The following GPAT3 variants were observed in gnomAD, a reference collection of about 807,000 sequenced individuals.
GPAT3 encodes glycerol-3-phosphate acyltransferase 3, also known as 1-AGP acyltransferase 9.
Under a neutral mutation model 58.8 loss-of-function variants are expected in GPAT3, and 53 were observed. That is an observed-to-expected ratio of 0.90 (90% CI 0.72 to 1.13). GPAT3 has a LOEUF of 1.13. Ranked by LOEUF, GPAT3 falls within the 50% of genes most tolerant of loss-of-function variation. The probability of loss-of-function intolerance (pLI) is 0.00; values close to 1 mark genes in which losing one functional copy is unlikely to be tolerated. For synonymous variants in GPAT3, 197 were observed against 187.4 expected, an observed-to-expected ratio of 1.05 and a Z score of -0.42; for missense variants, 511 against 527.6, an observed-to-expected ratio of 0.97 and a Z score of 0.31.
rs200679000 is a variant in GPAT3 at position 83,544,634 on chromosome 4, A to G, written c.208+32A>G. 201 of 1,605,444 alleles carry G rather than the reference A, an allele frequency of 1.3e-4. 2 individuals are homozygous for G. The Admixed American group carries it at 1.7e-3, about 13-fold the overall frequency. On this transcript the variant is annotated intron_variant, in intron 2 of 11. Coordinates refer to ENST00000264409, the MANE Select transcript of GPAT3 (RefSeq NM_032717.5). ...TTTCCTTTTCATTATGATTGTTACC[A>G]TATTTAAATTGGGTGGATGTAAACC...
At chr4:83,550,990 A>C (rs539438733) in intron 2 of GPAT3, among the ~76,000 whole-genome samples, 4 of 152,356 alleles carry the variant, frequency 2.6e-5, no homozygotes, top group Admixed American at 2.6e-4. Flanking sequence ...CAATATTATA[A>C]AAATTTAGTT....
intron 6 of GPAT3, among the ~76,000 whole-genome samples, chr4:83,590,749 G>A (rs919230638): frequency 6.6e-6 from 1 of 152,040 alleles, no homozygotes; most frequent in Non-Finnish European, 1.5e-5. Context: ...TTTATATCAG[G>A]TTGTCTTTCT....
chr4:83,594,730 C>A, intron 6 of GPAT3, 115 bp from the exon 7 acceptor site: 1 of 793,516 alleles, frequency 1.3e-6, no homozygotes, highest in Non-Finnish European at 2.1e-6. Context: ...GAACTTCAGT[C>A]AGTAGAAGGC....
At chr4:83,587,515 C>T (rs1051621579) in intron 4 of GPAT3, among the ~76,000 whole-genome samples, 186 bp downstream of exon 4, 2 of 152,184 alleles carry the variant, frequency 1.3e-5, no homozygotes, top group Non-Finnish European at 2.9e-5. Flanking sequence ...CAACCTCCGC[C>T]TCCTGGGTTC....
intron 1 of GPAT3, among the ~76,000 whole-genome samples, chr4:83,537,767 C>T (rs1018863153): frequency 1.3e-5 from 2 of 151,920 alleles, no homozygotes; most frequent in African/African-American, 2.4e-5. Flanking sequence ...AAACAGGCAT[C>T]TCAACTGAGA....
intron 2 of GPAT3, among the ~76,000 whole-genome samples, chr4:83,556,908 C>T (rs192102979): frequency 3.7e-4 from 56 of 152,240 alleles, no homozygotes; most frequent in African/African-American, 1.3e-3. Flanking sequence ...TTCACAGTTC[C>T]GGAGGCTGGA....
intron 5 of GPAT3, 96 bp downstream of exon 5, chr4:83,588,395 A>G: frequency 2.6e-6 from 3 of 1,149,202 alleles, no homozygotes; most frequent in South Asian, 2.6e-5. Context: ...AAGTGGGTGG[A>G]GTCAGAGTGC....
rs192284306 is a variant in GPAT3, at chr4:83,590,157, T to C, written c.645-42T>C. ...AAGATGAGTATTTACATGCTGTGGC[T>C]ATTTTAGAAGACTTCGAATTTTCCA... On this transcript the variant is annotated intron_variant, in intron 5 of 11. Transcript: ENST00000264409. 4.2e-4 allele frequency: 648 copies of C among 1,556,870 alleles called. 8 individuals carry two copies. The Admixed American group carries it at 0.011, about 26-fold the overall frequency.
intron 10 of GPAT3, 197 bp from the exon 11 acceptor site, chr4:83,598,447 C>G: frequency 2.8e-6 from 2 of 705,928 alleles, no homozygotes; most frequent in South Asian, 3.8e-5. Context: ...AATATATGCA[C>G]ATGGTAAAAA....
chr4:83,544,878 T>C (rs1382554472), intron 2 of GPAT3, among the ~76,000 whole-genome samples: 1 of 151,578 alleles, frequency 6.6e-6, no homozygotes, highest in Non-Finnish European at 1.5e-5. Context: ...TTTAAAGATG[T>C]AGTCGATGGC....
chr4:83,594,515 TA>T (rs2110107332), intron 6 of GPAT3, among the ~76,000 whole-genome samples: 1 of 152,358 alleles, frequency 6.6e-6, no homozygotes, highest in South Asian at 2.1e-4. Context: ...GTCAAGCTTT[TA>T]AATCTTTGTC....
chr4:83,591,821 A>G (rs573317106), intron 6 of GPAT3, among the ~76,000 whole-genome samples: 1 of 152,286 alleles, frequency 6.6e-6, no homozygotes, highest in Non-Finnish European at 1.5e-5. Context: ...TGCTGCTACA[A>G]CAGAATACCA....
rs144424899 is a variant in GPAT3 at position 83,544,241 on chromosome 4, C to A, written c.142-295C>A. On this transcript the variant is annotated intron_variant, in intron 1 of 11. Coordinates refer to ENST00000264409, the MANE Select transcript of GPAT3 (RefSeq NM_032717.5). ...ATGCCGTGACCTGTACTCATGCCCC[C>A]CATGCTTCACAGCCTTTTCAAGGAG... Among the ~76,000 whole-genome samples the A allele has an allele frequency of 1.8e-3, 278 of 152,296 alleles. 1 individual carries two copies. The highest frequency in any genetic ancestry group is 6.8e-3 in the Middle Eastern group (2 of 294).
In GPAT3 at chr4:83,536,273, C is replaced by T. The variant is rs1053412715; in HGVS notation, c.-350C>T. ...AATCAGGCACCGGGCGGGGCGGGTT[C>T]CTGGCTGCGCTCGCGCGCTCTGCCC... On this transcript the variant is annotated 5_prime_UTR_variant, in exon 1 of 12. Transcript: ENST00000264409. The T allele has an allele frequency of 2.9e-6, 3 of 1,035,646 alleles. No homozygotes were observed. The highest frequency in any genetic ancestry group is 3.5e-6 in the Non-Finnish European group (3 of 863,012). 64.2% of individuals were successfully genotyped at this position (1,035,646 alleles called of 1,614,324 possible).
At chr4:83,588,365 C>A (rs555383694) in intron 5 of GPAT3, 66 bp downstream of exon 5, 8 of 1,484,926 alleles carry the variant, frequency 5.4e-6, no homozygotes, top group Non-Finnish European at 7.5e-6. Context: ...GACAAGGAAG[C>A]ATTGGAAGTG....
In GPAT3 at chr4:83,554,872, C is replaced by T. The variant is rs146052232; in HGVS notation, c.208+10270C>T. Among the ~76,000 whole-genome samples the T allele has an allele frequency of 9.3e-4, 136 of 146,814 alleles. 1 individual carries two copies. The highest frequency in any genetic ancestry group is 3.2e-3 in the African/African-American group (127 of 39,712). On this transcript the variant is annotated intron_variant, in intron 2 of 11. Coordinates refer to ENST00000264409, the MANE Select transcript of GPAT3 (RefSeq NM_032717.5). ...AGGCTGGAGTTCAGTGGCGTGATCT[C>T]GGATCACTGCAACCTTTGCCTCCCG... is the stretch of plus-strand genomic sequence containing the variant.
Position 83,581,631 on chromosome 4 carries a change from T to G in GPAT3, c.278T>G (p.Leu93Arg), listed in dbSNP as rs747632278. The change falls in exon 3 of 12, where the codon CTG becomes CGG. Residue 93 changes from leucine (L) to arginine (R), a missense_variant. Coordinates refer to ENST00000264409, the MANE Select transcript of GPAT3 (RefSeq NM_032717.5). Reference sequence around the variant, plus strand: ...GGTCTACGAGGAAGGGACTTTGAGCTGTCTGACGTGTTTTATTTCTCCAAG... The same window carrying G: ...GGTCTACGAGGAAGGGACTTTGAGCGGTCTGACGTGTTTTATTTCTCCAAG... ...LSGLRGRDFE[L>R]SDVFYFSKKG... 2.5e-6 allele frequency: 4 copies of G among 1,614,204 alleles called. No individual in the cohort carries two copies. In the Admixed American group the frequency reaches 6.7e-5, roughly 27 times the overall value.
At chr4:83,548,811 C>T (rs1724638064) in intron 2 of GPAT3, among the ~76,000 whole-genome samples, 1 of 152,140 alleles carries the variant, frequency 6.6e-6, no homozygotes, top group South Asian at 2.1e-4. Context: ...GCCCCCAAGT[C>T]TCTGCCCCTT....
chr4:83,601,551 G>A (rs995971682), intron 11 of GPAT3, among the ~76,000 whole-genome samples: 17 of 152,124 alleles, frequency 1.1e-4, no homozygotes, highest in African/African-American at 3.6e-4. Context: ...TTAAGAGTTC[G>A]AGACCAGCCT....
Sources: gnomAD v4.1 joint callset for allele counts (sites outside exome capture counted in the v4.1 genomes callset) on GRCh38, gnomAD v4.1.1 for gene constraint, MANE v1.5 for transcripts, NCBI Gene and HGNC (gene_info 2026-07-23, HGNC 2026-07-21) for gene names.